Variants in ENPEP observed in about 807,000 individuals in gnomAD.
ENPEP encodes AP-A.
A neutral mutation model predicts 114.5 loss-of-function variants in ENPEP; 103 were observed. The observed-to-expected ratio is 0.90, with a 90% CI of 0.77 to 1.06. The LOEUF (loss-of-function observed/expected upper bound fraction) is 1.06. ENPEP is among the 50% of genes least tolerant of loss of function. The pLI is 0.00. For synonymous variants in ENPEP, 420 were observed against 422.0 expected (o/e 1.00, Z 0.06); for missense variants, 1,196 against 1,161.3 (o/e 1.03, Z -0.43).
intron 13 of ENPEP, among the ~76,000 whole-genome samples, chr4:110,544,772 C>T (rs1726991955): frequency 6.6e-6 from 1 of 152,036 alleles, no homozygotes; most frequent in South Asian, 2.1e-4. Context: ...GAAAGAAAGC[C>T]TCTTGAACAG....
intron 1 of ENPEP, among the ~76,000 whole-genome samples, chr4:110,482,516 G>A (rs1270211185): frequency 2.6e-5 from 4 of 152,182 alleles, no homozygotes; most frequent in African/African-American, 9.7e-5. Context: ...TAAAGATTTA[G>A]GAGTTGAGTG....
rs540194509 is a variant in ENPEP at position 110,551,705 on chromosome 4, A to G, written c.2502-1610A>G. On this transcript the variant is annotated intron_variant, in intron 17 of 19. Coordinates refer to ENST00000265162, the MANE Select transcript of ENPEP (RefSeq NM_001977.4). ...GAGCCAGTGAGAGGGAGAACAACTG[A>G]TGTTGACTATCTTTGTCTGCCAGTC... 4.6e-5 allele frequency among the ~76,000 whole-genome samples: 7 copies of G among 152,284 alleles called. No individual in the cohort carries two copies. The South Asian group carries it at 1.4e-3, about 32-fold the overall frequency.
At chr4:110,499,482 C>T (rs1725070244) in intron 3 of ENPEP, among the ~76,000 whole-genome samples, 1 of 152,160 alleles carries the variant, frequency 6.6e-6, no homozygotes, top group African/African-American at 2.4e-5. Flanking sequence ...TTCAAATCAC[C>T]TTCAAACTCT....
Position 110,564,712 on chromosome 4 carries a change from A to G in ENPEP, c.*3154A>G, listed in dbSNP as rs1727773010. 2 of 152,174 alleles carry G rather than the reference A, an allele frequency of 1.3e-5. No homozygotes were observed. Among genetic ancestry groups the G allele is most frequent in the Admixed American group, 1.3e-4 (2 of 15,272 alleles). 9.4% of individuals were successfully genotyped at this position (152,174 alleles called of 1,614,324 possible). A position where few individuals can be genotyped will look rare whatever the true frequency, so the allele number is the denominator to read the frequency against. ...TTGCCCTGGTCTGGAAGAGGATTCT[A>G]TATCCTACCCCATTGTAGTCTAGCA... is the stretch of plus-strand genomic sequence containing the variant. On this transcript the variant is annotated 3_prime_UTR_variant, in exon 20 of 20. Transcript: ENST00000265162.
At chr4:110,489,816 T>C (rs1367219827) in intron 2 of ENPEP, among the ~76,000 whole-genome samples, 1 of 152,154 alleles carries the variant, frequency 6.6e-6, no homozygotes, top group East Asian at 1.9e-4. Context: ...CAGCCCCAAA[T>C]TATGTCTCCC....
intron 3 of ENPEP, among the ~76,000 whole-genome samples, chr4:110,499,827 A>G (rs1725085347): frequency 6.6e-6 from 1 of 152,186 alleles, no homozygotes; most frequent in South Asian, 2.1e-4. Context: ...CAGTGAACGG[A>G]TTGGGGTAAT....
At chr4:110,527,046 T>C (rs1447431753) in intron 10 of ENPEP, among the ~76,000 whole-genome samples, 3 of 152,068 alleles carry the variant, frequency 2.0e-5, no homozygotes, top group Non-Finnish European at 4.4e-5. Flanking sequence ...GGGTACTCTA[T>C]AAGGGGGGTA....
Position 110,561,412 on chromosome 4 carries a change from AGC to A in ENPEP, c.2729_2730del (p.Ser910IlefsTer15), listed in dbSNP as rs1727673073. 2.5e-6 allele frequency: 4 copies of A among 1,613,600 alleles called. No individual in the cohort carries two copies. Among genetic ancestry groups the A allele is most frequent in the Non-Finnish European group, 2.5e-6 (3 of 1,179,896 alleles). Reference protein sequence around the residue: ...NTELQLWQMESFFAKYPQAGA... With the variant: ...NTELQLWQMEXFFAKYPQAGA... ...ACTCCCCTCTCTTTTCTAGATGGAG[AGC>A]TTTTTTGCAAAATATCCACAAGCTG... is the stretch of plus-strand genomic sequence containing the variant. On this transcript the variant is annotated frameshift_variant, in exon 20 of 20. Coordinates refer to ENST00000265162, the MANE Select transcript of ENPEP (RefSeq NM_001977.4). LOFTEE classifies it low-confidence loss of function (END_TRUNC).
chr4:110,516,604 GAGA>G (rs973081458), intron 8 of ENPEP, among the ~76,000 whole-genome samples: 3 of 151,890 alleles, frequency 2.0e-5, no homozygotes, highest in African/African-American at 7.3e-5. Context: ...GATTCCCCAG[GAGA>G]AGGTCACCAT....
chr4:110,476,213 T>C lies in ENPEP; in HGVS notation c.-202T>C. 1.7e-6 allele frequency: 1 copy of C among 585,146 alleles called. No individual in the cohort carries two copies. Among genetic ancestry groups the C allele is most frequent in the East Asian group, 2.9e-5 (1 of 34,084 alleles). 36.2% of individuals were successfully genotyped at this position (585,146 alleles called of 1,614,324 possible). A position where few individuals can be genotyped will look rare whatever the true frequency, so the allele number is the denominator to read the frequency against. On this transcript the variant is annotated 5_prime_UTR_variant, in exon 1 of 20. Coordinates refer to ENST00000265162, the MANE Select transcript of ENPEP (RefSeq NM_001977.4). Reference sequence around the variant, plus strand: ...CGGAGTCCTCATTCCACCCCCCTTGTTTCCGCATTCATCCTGAGTGGCTGG... The same window carrying C: ...CGGAGTCCTCATTCCACCCCCCTTGCTTCCGCATTCATCCTGAGTGGCTGG...
chr4:110,500,667 A>C (rs1224422200), intron 3 of ENPEP, among the ~76,000 whole-genome samples: 1 of 152,234 alleles, frequency 6.6e-6, no homozygotes, highest in Non-Finnish European at 1.5e-5. Flanking sequence ...AGAAGAAAGA[A>C]AATACATGTA....
chr4:110,542,067 ATTG>A (rs1017081545), intron 11 of ENPEP, among the ~76,000 whole-genome samples: 4 of 152,152 alleles, frequency 2.6e-5, no homozygotes, highest in Non-Finnish European at 5.9e-5. Context: ...ATGGAAAAGT[ATTG>A]TTGTAACCAA....
chr4:110,528,487 G>A (rs966753865), intron 10 of ENPEP, among the ~76,000 whole-genome samples: 3 of 152,162 alleles, frequency 2.0e-5, no homozygotes, highest in African/African-American at 7.2e-5. Flanking sequence ...AAGTTGTACT[G>A]TGAGTTCAAT....
intron 11 of ENPEP, among the ~76,000 whole-genome samples, chr4:110,540,857 T>A (rs1193556220): frequency 6.6e-6 from 1 of 152,164 alleles, no homozygotes; most frequent in African/African-American, 2.4e-5. Flanking sequence ...TCTTATTTAA[T>A]CTTCACAACA....
At chr4:110,483,338 T>C (rs1724384584) in intron 1 of ENPEP, among the ~76,000 whole-genome samples, 3 of 152,136 alleles carry the variant, frequency 2.0e-5, no homozygotes. Context: ...AGCTCTGTGT[T>C]TAAGGATTTC....
chr4:110,499,144 G>C (rs1204256607), intron 3 of ENPEP, among the ~76,000 whole-genome samples: 1 of 152,190 alleles, frequency 6.6e-6, no homozygotes, highest in Non-Finnish European at 1.5e-5. Flanking sequence ...CATAGTGTAA[G>C]TATCAATCAC....
chr4:110,494,540 G>T (rs1451214702), intron 3 of ENPEP, among the ~76,000 whole-genome samples: 2 of 152,054 alleles, frequency 1.3e-5, no homozygotes, highest in Non-Finnish European at 2.9e-5. Flanking sequence ...GATTCAACTT[G>T]CTTGGGTATA....
intron 3 of ENPEP, among the ~76,000 whole-genome samples, chr4:110,504,120 T>C (rs898702532): frequency 6.6e-6 from 1 of 152,184 alleles, no homozygotes; most frequent in African/African-American, 2.4e-5. Flanking sequence ...GAAGGGACCT[T>C]GGCAGTTGCT....
Position 110,520,316 on chromosome 4 carries a change from C to G in ENPEP, c.1677C>G (p.Arg559=), listed in dbSNP as rs1725939793. The part of the protein sequence containing the change: ...VNGVKNITQK[R]FLLDPRANPS... ...GTGTCAAGAACATCACACAGAAACG[C>G]TTTTTGTTGGACCCAAGAGCTAACC... Residue 559 remains arginine (R), a synonymous_variant, in exon 10 of 20, where the codon CGC becomes CGG. Transcript: ENST00000265162. 6.2e-7 allele frequency: 1 copy of G among 1,613,926 alleles called. No individual in the cohort carries two copies.
Sources: allele counts gnomAD v4.1 joint callset (sites outside exome capture counted in the v4.1 genomes callset), GRCh38; gene constraint gnomAD v4.1.1; transcripts MANE v1.5; gene names NCBI Gene and HGNC (gene_info 2026-07-23, HGNC 2026-07-21).